Variants in MAP3K5 observed in about 807,000 individuals in gnomAD.
The protein encoded by MAP3K5 is mitogen-activated protein kinase kinase kinase 5.
In MAP3K5, 56 loss-of-function variants were observed where a neutral mutation model predicts 158.7. That is an observed-to-expected ratio of 0.35 (90% CI 0.28 to 0.44). The LOEUF is 0.44. Ranked by LOEUF, MAP3K5 falls within the 20% of genes least tolerant of loss-of-function variation. The probability of loss-of-function intolerance (pLI) is 1.00; values close to 1 mark genes in which losing one functional copy is unlikely to be tolerated. For missense variants in MAP3K5, 1,294 were observed against 1,674.8 expected, an observed-to-expected ratio of 0.77 and a Z score of 3.97; for synonymous variants, 579 against 601.7, an observed-to-expected ratio of 0.96 and a Z score of 0.55.
chr6:136,671,478 T>C (rs1331583237), intron 7 of MAP3K5, among the ~76,000 whole-genome samples: 1 of 152,208 alleles, frequency 6.6e-6, no homozygotes, highest in Non-Finnish European at 1.5e-5. Context: ...CATGTAGGTA[T>C]ATTACGAAAG....
intron 14 of MAP3K5, among the ~76,000 whole-genome samples, chr6:136,628,095 T>C (rs1777128318): frequency 6.6e-6 from 1 of 152,142 alleles, no homozygotes; most frequent in African/African-American, 2.4e-5. Context: ...TGAAAGCATT[T>C]TTCCAATAGA....
chr6:136,640,582 T>C (rs1777880642), intron 12 of MAP3K5, among the ~76,000 whole-genome samples: 1 of 152,224 alleles, frequency 6.6e-6, no homozygotes, highest in Non-Finnish European at 1.5e-5. Context: ...GTCCTCTGAG[T>C]ATACTTCTTT....
intron 17 of MAP3K5, among the ~76,000 whole-genome samples, chr6:136,612,776 A>G (rs1304366116): frequency 6.9e-6 from 1 of 145,974 alleles, no homozygotes; most frequent in Admixed American, 6.8e-5. Context: ...GGGCAAGGAT[A>G]CAAAGATTAA....
chr6:136,747,433 C>A (rs1470002587), intron 1 of MAP3K5, among the ~76,000 whole-genome samples: 1 of 152,160 alleles, frequency 6.6e-6, no homozygotes, highest in Non-Finnish European at 1.5e-5. Flanking sequence ...AGCCAATGCC[C>A]ATTAAAAGAA....
intron 24 of MAP3K5, among the ~76,000 whole-genome samples, chr6:136,582,171 A>G (rs1305077881): frequency 2.6e-5 from 4 of 152,076 alleles, no homozygotes; most frequent in Non-Finnish European, 5.9e-5. Flanking sequence ...TTACATAGCA[A>G]ATTACATCAT....
intron 4 of MAP3K5, among the ~76,000 whole-genome samples, chr6:136,698,074 A>T (rs1310619105): frequency 6.6e-6 from 1 of 152,170 alleles, no homozygotes; most frequent in Non-Finnish European, 1.5e-5. Flanking sequence ...ACATAATATA[A>T]CCTTAACTTC....
chr6:136,625,926 A>G (rs192201819), intron 14 of MAP3K5, among the ~76,000 whole-genome samples: 1 of 151,380 alleles, frequency 6.6e-6, no homozygotes. Flanking sequence ...AAGATATTCT[A>G]AAAAAGGCCA....
rs1562652314 is a variant in MAP3K5 at position 136,730,150 on chromosome 6, G to GT, written c.449-9562dup. Among the ~76,000 whole-genome samples the GT allele has an allele frequency of 1.1e-4, 12 of 108,198 alleles. No homozygotes were observed. The East Asian group carries it at 2.2e-3, about 20-fold the overall frequency. 71.0% of individuals were successfully genotyped at this position (108,198 alleles called of 152,430 possible). A position where few individuals can be genotyped will look rare whatever the true frequency, so the allele number is the denominator to read the frequency against. ...ACCATACCTGTTTTTTTGTTGTTTG[G>GT]TTGTTTTTTTTTTTTTGTTTTTTGT... On this transcript the variant is annotated intron_variant, in intron 1 of 29. Transcript: ENST00000359015.
chr6:136,773,625 TTTG>T (rs945873801), intron 1 of MAP3K5, among the ~76,000 whole-genome samples: 50 of 152,158 alleles, frequency 3.3e-4, no homozygotes, highest in South Asian at 6.2e-4. Context: ...TTGCCCATTT[TTTG>T]TTGTTGTTGT....
In MAP3K5 at chr6:136,695,920, C is replaced by T. The variant is rs377052610; in HGVS notation, c.1082+31G>A. The T allele has an allele frequency of 3.4e-5, 44 of 1,299,634 alleles. No homozygotes were observed. The African/African-American group carries it at 4.8e-4, about 14-fold the overall frequency. The allele number at this position is 1,299,634 out of a possible 1,614,324, so 80.5% of individuals were successfully genotyped here. A position where few individuals can be genotyped will look rare whatever the true frequency, so the allele number is the denominator to read the frequency against. On this transcript the variant is annotated intron_variant, in intron 6 of 29. Coordinates refer to ENST00000359015, the MANE Select transcript of MAP3K5 (RefSeq NM_005923.4). ...TGCAGGTTACACAATAATATGTTAA[C>T]GCATTCTGGAAGGGAACTTTTTCTT...
At chr6:136,776,092 G>A (rs1784393340) in intron 1 of MAP3K5, among the ~76,000 whole-genome samples, 1 of 152,210 alleles carries the variant, frequency 6.6e-6, no homozygotes, top group African/African-American at 2.4e-5. Context: ...CATTACTTAT[G>A]TATATTTCAC....
At chr6:136,707,217 A>T (rs989245409) in intron 2 of MAP3K5, among the ~76,000 whole-genome samples, 4 of 152,254 alleles carry the variant, frequency 2.6e-5, no homozygotes, top group African/African-American at 9.6e-5. Context: ...GAAAAGGGAC[A>T]TGTACACATT....
chr6:136,776,196 A>T (rs889739361), intron 1 of MAP3K5, among the ~76,000 whole-genome samples: 1 of 152,210 alleles, frequency 6.6e-6, no homozygotes, highest in African/African-American at 2.4e-5. Context: ...CTAAAGTAGA[A>T]GAGTGTCACT....
intron 7 of MAP3K5, among the ~76,000 whole-genome samples, chr6:136,678,071 C>T (rs1477233260): frequency 6.6e-6 from 1 of 152,114 alleles, no homozygotes; most frequent in Non-Finnish European, 1.5e-5. Flanking sequence ...TAAGCCTAGG[C>T]CCTTTTCTTT....
At position 136,765,153 on chromosome 6, in the gene MAP3K5, T is replaced by A. The variant is rs78811590; in HGVS notation, c.448+26557A>T. 5.6e-3 allele frequency among the ~76,000 whole-genome samples: 847 copies of A among 152,366 alleles called. 6 individuals carry two copies. Among genetic ancestry groups the A allele is most frequent in the African/African-American group, 0.019 (806 of 41,588 alleles). On this transcript the variant is annotated intron_variant, in intron 1 of 29. Transcript: ENST00000359015. ...CACATCTAAAAGCCTCTTGGTAGAT[T>A]CATGCATCAGATAAGATGATGGGTT...
chr6:136,562,837 A>ATTTTTTTTTT lies in MAP3K5; in HGVS notation c.3762-232_3762-223dup, dbSNP rs3040779. Among the ~76,000 whole-genome samples the ATTTTTTTTTT allele has an allele frequency of 5.7e-4, 71 of 124,836 alleles. 1 individual carries two copies. Among genetic ancestry groups the ATTTTTTTTTT allele is most frequent in the East Asian group, 4.2e-3 (17 of 4,050 alleles). The allele number at this position is 124,836 out of a possible 152,430, so 81.9% of individuals were successfully genotyped here. On this transcript the variant is annotated intron_variant, in intron 26 of 29. Coordinates refer to ENST00000359015, the MANE Select transcript of MAP3K5 (RefSeq NM_005923.4). Reference sequence around the variant, plus strand: ...AGACATGCACCACCATGCCTGGCTAATTTTTTTTTTTTTTTTTTTTGTAGA... The same window carrying ATTTTTTTTTT: ...AGACATGCACCACCATGCCTGGCTAATTTTTTTTTTTTTTTTTTTTTTTTTTTTTTGTAGA...
At chr6:136,731,837 A>G (rs929447378) in intron 1 of MAP3K5, among the ~76,000 whole-genome samples, 1 of 152,252 alleles carries the variant, frequency 6.6e-6, no homozygotes, top group Non-Finnish European at 1.5e-5. Flanking sequence ...TCCAAGGTCC[A>G]TGGTAGGCAC....
At chr6:136,642,370 A>G in intron 12 of MAP3K5, 150 bp downstream of exon 12, 1 of 674,340 alleles carries the variant, frequency 1.5e-6, no homozygotes, top group Non-Finnish European at 2.7e-6. Context: ...TAAAGGAGAT[A>G]GTGACACTGA....
chr6:136,750,417 C>G (rs969484026), intron 1 of MAP3K5, among the ~76,000 whole-genome samples: 1 of 152,094 alleles, frequency 6.6e-6, no homozygotes, highest in Non-Finnish European at 1.5e-5. Context: ...CAGATTAGTT[C>G]AAAAACATTT....
Sources: gnomAD v4.1 joint callset for allele counts (sites outside exome capture counted in the v4.1 genomes callset) on GRCh38, gnomAD v4.1.1 for gene constraint, MANE v1.5 for transcripts, NCBI Gene and HGNC (gene_info 2026-07-23, HGNC 2026-07-21) for gene names.